Variants in LONP1 observed in about 807,000 individuals in gnomAD.
LONP1 encodes lon protease homolog, mitochondrial.
Under a neutral mutation model 98.5 loss-of-function variants are expected in LONP1, and 31 were observed. That is an observed-to-expected ratio of 0.31 (90% CI 0.24 to 0.42). The LOEUF (loss-of-function observed/expected upper bound fraction) is 0.42, where lower values mean the gene tolerates loss of function less well. Ranked by LOEUF, LONP1 falls within the 20% of genes least tolerant of loss-of-function variation. LONP1 has a pLI of 1.00. For synonymous variants in LONP1, 781 were observed against 594.7 expected (o/e 1.31, Z -4.56); for missense variants, 1,336 against 1,350.6 (o/e 0.99, Z 0.17).
chr19:5,714,041 G>C, intron 2 of LONP1, 142 bp downstream of exon 2: 1 of 603,730 alleles, frequency 1.7e-6, no homozygotes, highest in Non-Finnish European at 2.9e-6. Context: ...GGTAGCCTGC[G>C]TGGCTTCTGG....
chr19:5,701,446 TGAGCCTGCC>T (rs1285058262), intron 8 of LONP1, among the ~76,000 whole-genome samples: 1 of 152,210 alleles, frequency 6.6e-6, no homozygotes, highest in Non-Finnish European at 1.5e-5. Flanking sequence ...TTCTCCTGCC[TGAGCCTGCC>T]GAGTGCCTGC....
intron 8 of LONP1, 121 bp downstream of exon 8, chr19:5,705,651 G>A: frequency 1.3e-6 from 1 of 746,406 alleles, no homozygotes; most frequent in East Asian, 2.7e-5. Context: ...ATGCCTCCCA[G>A]CCCGCACCTG....
intron 11 of LONP1, 101 bp from the exon 12 acceptor site, chr19:5,696,472 G>A (rs1259166592): frequency 1.3e-6 from 2 of 1,490,328 alleles, no homozygotes; most frequent in Middle Eastern, 2.1e-4. Context: ...CCGAGTGAGA[G>A]CGGCACCCAC....
rs2054830324 is a variant in LONP1 at position 5,691,976 on chromosome 19, T to C, written c.*56A>G. ...GGTCCGGGCGCGCTCCCCACAGCGC[T>C]CAGTTCTGGCCCAGACAGGGCCTGA... On this transcript the variant is annotated 3_prime_UTR_variant, in exon 18 of 18. Coordinates refer to ENST00000360614, the MANE Select transcript of LONP1 (RefSeq NM_004793.4). The C allele has an allele frequency of 2.0e-6, 3 of 1,536,516 alleles. No homozygotes were observed. The highest frequency in any genetic ancestry group is 1.8e-6 in the Non-Finnish European group (2 of 1,135,752).
At chr19:5,697,854 G>A (rs2054969355) in intron 10 of LONP1, among the ~76,000 whole-genome samples, 2 of 152,008 alleles carry the variant, frequency 1.3e-5, no homozygotes, top group African/African-American at 2.4e-5. Flanking sequence ...GGTGACCCAG[G>A]CTTGTTCAGA....
intron 8 of LONP1, among the ~76,000 whole-genome samples, chr19:5,705,441 G>A (rs1010079214): frequency 9.2e-5 from 13 of 141,886 alleles, no homozygotes; most frequent in East Asian, 6.2e-4. Flanking sequence ...CTGGACAACT[G>A]AGCGAGACTC....
At position 5,694,781 on chromosome 19, in the gene LONP1, G is replaced by A. The variant is rs1319163841; in HGVS notation, c.2134C>T (p.Leu712=). ...CTCACCTTCTCCACTTGCTTCTGCA[G>A]GTTGCGGACACCGCTCTCGCGGCAG... ...QYCRESGVRN[L]QKQVEKVLRK... The change falls in exon 14 of 18, where the codon CTG becomes TTG. Residue 712 remains leucine (L), a synonymous_variant. Coordinates refer to ENST00000360614, the MANE Select transcript of LONP1 (RefSeq NM_004793.4). 1.3e-6 allele frequency: 2 copies of A among 1,592,136 alleles called. No homozygotes were observed. Among genetic ancestry groups the A allele is most frequent in the East Asian group, 2.3e-5 (1 of 44,210 alleles).
chr19:5,692,441 C>A (rs1433854191), intron 17 of LONP1, among the ~76,000 whole-genome samples: 3 of 152,142 alleles, frequency 2.0e-5, no homozygotes, highest in East Asian at 1.9e-4. Flanking sequence ...GGCCTCCCCA[C>A]CCCCTTATCT....
Position 5,707,135 on chromosome 19 carries a change from C to T in LONP1, c.1071G>A (p.Lys357=), listed in dbSNP as rs745557902. The change falls in exon 7 of 18, where the codon AAG becomes AAA. Residue 357 remains lysine, a synonymous_variant. Coordinates refer to ENST00000360614, the MANE Select transcript of LONP1 (RefSeq NM_004793.4). The part of the protein sequence containing the change: ...QDVLEETNIP[K]RLYKALSLLK... ...GCAGGGAGAGGGCCTTGTACAGCCG[C>T]TTAGGAATCTGCCGAGACAGGGAGG... 2 of 1,613,090 alleles carry T rather than the reference C, an allele frequency of 1.2e-6. No homozygotes were observed. Among genetic ancestry groups the T allele is most frequent in the Non-Finnish European group, 1.7e-6 (2 of 1,179,874 alleles).
At chr19:5,717,870 G>A (rs997969277) in intron 1 of LONP1, among the ~76,000 whole-genome samples, 2 of 151,264 alleles carry the variant, frequency 1.3e-5, no homozygotes, top group East Asian at 3.9e-4. Flanking sequence ...GCATGCCACT[G>A]TGCCCGGCTT....
intron 4 of LONP1, 139 bp downstream of exon 4, chr19:5,711,632 A>G: frequency 9.0e-6 from 6 of 667,332 alleles, no homozygotes; most frequent in Non-Finnish European, 1.5e-5. Context: ...ATGTTCCATT[A>G]GAATTGAGTT....
chr19:5,696,620 T>C (rs1431454254), intron 11 of LONP1, 50 bp downstream of exon 11: 3 of 1,498,102 alleles, frequency 2.0e-6, no homozygotes. Flanking sequence ...GGCTTCATCT[T>C]GCACACGGCA....
At chr19:5,716,259 CATATATATATATATAT>C (rs3082272) in intron 1 of LONP1, among the ~76,000 whole-genome samples, 2,776 of 77,236 alleles carry the variant, frequency 0.036, 207 homozygotes, top group African/African-American at 0.038. Context: ...TTAAAATATA[CATATATATATATATAT>C]ATATATATAT....
chr19:5,707,916 C>T, intron 5 of LONP1, 90 bp from the exon 6 acceptor site: 2 of 1,488,138 alleles, frequency 1.3e-6, no homozygotes, highest in Non-Finnish European at 1.8e-6. Flanking sequence ...CTCAGGGTCC[C>T]TGTCCCCTGT....
At position 5,695,837 on chromosome 19, in the gene LONP1, T is replaced by G. The variant is rs551577782; in HGVS notation, c.2013+217A>C. ...TGGCCTGACGGTGGTGGGCGGTGTTTTGGACAGTCCCAGGCCCTAAACCCT... is the reference window on the plus strand; with the variant it reads ...TGGCCTGACGGTGGTGGGCGGTGTTGTGGACAGTCCCAGGCCCTAAACCCT... On this transcript the variant is annotated intron_variant, in intron 13 of 17. Transcript: ENST00000360614. Among the ~76,000 whole-genome samples the G allele has an allele frequency of 3.3e-3, 501 of 152,268 alleles. 1 individual carries two copies. The highest frequency in any genetic ancestry group is 0.011 in the African/African-American group (469 of 41,556).
At chr19:5,714,720 G>T (rs1433349336) in intron 1 of LONP1, among the ~76,000 whole-genome samples, 1 of 149,876 alleles carries the variant, frequency 6.7e-6, no homozygotes, top group Non-Finnish European at 1.5e-5. Flanking sequence ...CCGGGATCAA[G>T]CAATTCTCTG....
intron 8 of LONP1, among the ~76,000 whole-genome samples, chr19:5,703,052 A>G (rs1340645105): frequency 6.6e-6 from 1 of 151,612 alleles, no homozygotes; most frequent in Non-Finnish European, 1.5e-5. Flanking sequence ...GTGGCAGCGG[A>G]CACCTGTAGT....
At chr19:5,701,051 C>A in intron 8 of LONP1, 124 bp from the exon 9 acceptor site, 1 of 1,056,988 alleles carries the variant, frequency 9.5e-7, no homozygotes, top group South Asian at 1.4e-5. Context: ...CGGTGGCTCA[C>A]GCCTGTAATC....
intron 4 of LONP1, among the ~76,000 whole-genome samples, chr19:5,709,495 T>C (rs928491111): frequency 6.6e-6 from 1 of 151,996 alleles, no homozygotes; most frequent in Non-Finnish European, 1.5e-5. Flanking sequence ...GGTGAGACTC[T>C]GTCTCCAAAG....
Sources: allele counts gnomAD v4.1 joint callset (sites outside exome capture counted in the v4.1 genomes callset), GRCh38; gene constraint gnomAD v4.1.1; transcripts MANE v1.5; gene names NCBI Gene and HGNC (gene_info 2026-07-23, HGNC 2026-07-21).